The following TLK2 variants were observed in gnomAD, a reference collection of about 807,000 sequenced individuals.
TLK2 encodes serine/threonine-protein kinase tousled-like 2.
In TLK2, 6 loss-of-function variants were observed where a neutral mutation model predicts 117.3. The ratio of observed to expected loss-of-function variants is 0.05; its 90% CI spans 0.03 to 0.10. The LOEUF (loss-of-function observed/expected upper bound fraction) is 0.10. TLK2 is among the 10% of genes least tolerant of loss of function. TLK2 has a pLI of 1.00. For missense variants in TLK2, 299 were observed against 901.2 expected (o/e 0.33, Z 8.56); for synonymous variants, 257 against 316.7 (o/e 0.81, Z 2.00).
At chr17:62,487,178 G>A (rs1299572376) in intron 2 of TLK2, among the ~76,000 whole-genome samples, 1 of 151,994 alleles carries the variant, frequency 6.6e-6, no homozygotes, top group East Asian at 1.9e-4. Flanking sequence ...TGTAATCCCA[G>A]CTACTCAGGA....
At chr17:62,529,324 C>T (rs1442884486) in intron 6 of TLK2, among the ~76,000 whole-genome samples, 1 of 152,162 alleles carries the variant, frequency 6.6e-6, no homozygotes, top group Non-Finnish European at 1.5e-5. Context: ...ACAACCTCCG[C>T]CTCCTGGGTT....
rs778362433 is a variant in TLK2 at position 62,560,027 on chromosome 17, T to G, written c.732T>G (p.Asp244Glu). 6.8e-6 allele frequency: 11 copies of G among 1,607,332 alleles called. No homozygotes were observed. Among genetic ancestry groups the G allele is most frequent in the Non-Finnish European group, 9.3e-6 (11 of 1,176,684 alleles). ...TTTTCTCATTGAAGGCCAACTGTGA[T>G]TTGAGACGGCAGATTGATGAACAGC... ...RIDDLLRANC[D>E]LRRQIDEQQK... Residue 244 changes from aspartate (D) to glutamate (E), a missense_variant, in exon 10 of 22, where the codon GAT becomes GAG. Asp to Glu is a conservative substitution (Grantham distance 45). Transcript: ENST00000346027.
At chr17:62,516,821 T>C in intron 2 of TLK2, 1 of 1,117,400 alleles carries the variant, frequency 8.9e-7, no homozygotes, top group African/African-American at 1.6e-5. Context: ...TTAGTTCTTA[T>C]GTTTAGGTCT....
intron 2 of TLK2, among the ~76,000 whole-genome samples, chr17:62,498,069 C>A (rs889862382): frequency 2.6e-5 from 4 of 152,154 alleles, no homozygotes; most frequent in African/African-American, 9.7e-5. Flanking sequence ...CTTGGACTTA[C>A]TGAAGATATG....
At chr17:62,517,408 A>G (rs1210709561) in intron 2 of TLK2, among the ~76,000 whole-genome samples, 2 of 151,776 alleles carry the variant, frequency 1.3e-5, no homozygotes, top group Non-Finnish European at 2.9e-5. Context: ...TTATTTATTT[A>G]TTTTGAGACG....
intron 10 of TLK2, among the ~76,000 whole-genome samples, chr17:62,564,182 C>G (rs895542868): frequency 6.6e-6 from 1 of 151,986 alleles, no homozygotes; most frequent in African/African-American, 2.4e-5. Context: ...GTGGGCTGAT[C>G]ACTTGAGGCC....
At chr17:62,594,090 C>G (rs141247531) in intron 16 of TLK2, among the ~76,000 whole-genome samples, 2 of 151,190 alleles carry the variant, frequency 1.3e-5, no homozygotes, top group Admixed American at 6.6e-5. Flanking sequence ...ACCGCCCCTG[C>G]TCTCTAAAAT....
At chr17:62,497,301 T>C (rs1338382809) in intron 2 of TLK2, among the ~76,000 whole-genome samples, 2 of 152,118 alleles carry the variant, frequency 1.3e-5, no homozygotes, top group Non-Finnish European at 2.9e-5. Context: ...TCAAAATAGG[T>C]TAAAGAAACC....
chr17:62,494,035 A>G (rs892773299), intron 2 of TLK2, among the ~76,000 whole-genome samples: 1 of 152,066 alleles, frequency 6.6e-6, no homozygotes, highest in African/African-American at 2.4e-5. Context: ...AATATCACAC[A>G]TTTGCTAATT....
At chr17:62,509,078 T>C (rs1372384723) in intron 2 of TLK2, among the ~76,000 whole-genome samples, 2 of 152,192 alleles carry the variant, frequency 1.3e-5, no homozygotes, top group African/African-American at 4.8e-5. Flanking sequence ...CCTAACCTTT[T>C]ATTTTATTTA....
At chr17:62,610,780 C>T (rs2083692378) in intron 21 of TLK2, among the ~76,000 whole-genome samples, 1 of 152,040 alleles carries the variant, frequency 6.6e-6, no homozygotes, top group Admixed American at 6.6e-5. Context: ...AGGTTTTAAT[C>T]AGGGCAACTA....
At chr17:62,490,697 G>A (rs1045531062) in intron 2 of TLK2, among the ~76,000 whole-genome samples, 4 of 151,970 alleles carry the variant, frequency 2.6e-5, no homozygotes, top group Non-Finnish European at 4.4e-5. Flanking sequence ...ACGCGCCACC[G>A]CACGCAGCTA....
At chr17:62,511,312 C>G (rs191921364) in intron 2 of TLK2, among the ~76,000 whole-genome samples, 8 of 152,342 alleles carry the variant, frequency 5.3e-5, no homozygotes, top group Admixed American at 4.6e-4. Flanking sequence ...AACTACAGAT[C>G]TATTTTCCTC....
rs143136111 is a variant in TLK2, at chr17:62,592,160, C to T, written c.1461-4425C>T. On this transcript the variant is annotated intron_variant, in intron 16 of 21. Transcript: ENST00000346027. ...TTTTAGTAGAGACAGGGTTTCTCCA[C>T]GTTGGTCAGGCTGGTCTTGAACTCC... is the stretch of plus-strand genomic sequence containing the variant. Among the ~76,000 whole-genome samples the T allele has an allele frequency of 3.4e-3, 524 of 151,910 alleles. 4 individuals are homozygous for T. The highest frequency in any genetic ancestry group is 0.012 in the African/African-American group (490 of 41,458).
At chr17:62,551,847 G>A (rs2078488628) in intron 7 of TLK2, 1 of 175,928 alleles carries the variant, frequency 5.7e-6, no homozygotes, top group Non-Finnish European at 1.2e-5. Context: ...AAATCAACCT[G>A]GATTTTAGAC....
At chr17:62,592,198 A>G (rs1239364682) in intron 16 of TLK2, among the ~76,000 whole-genome samples, 1 of 151,958 alleles carries the variant, frequency 6.6e-6, no homozygotes, top group Non-Finnish European at 1.5e-5. Context: ...ACCTCAGGTG[A>G]TCTGCCCACC....
intron 4 of TLK2, among the ~76,000 whole-genome samples, chr17:62,522,535 A>G (rs2076114407): frequency 6.6e-6 from 1 of 152,236 alleles, no homozygotes; most frequent in Middle Eastern, 3.4e-3. Context: ...CTTTACACCA[A>G]ATATATATTG....
chr17:62,594,059 C>T (rs1025410394), intron 16 of TLK2, among the ~76,000 whole-genome samples: 23 of 151,296 alleles, frequency 1.5e-4, no homozygotes, highest in Admixed American at 1.5e-3. Context: ...TCCCAAAGTG[C>T]TGGGATTACA....
At chr17:62,499,156 C>A (rs1598223309) in intron 2 of TLK2, among the ~76,000 whole-genome samples, 1 of 151,828 alleles carries the variant, frequency 6.6e-6, no homozygotes, top group African/African-American at 2.4e-5. Flanking sequence ...GCCTGGCGAC[C>A]ACGGCAAAAC....
Sources: gnomAD v4.1 joint callset for allele counts (sites outside exome capture counted in the v4.1 genomes callset) on GRCh38, gnomAD v4.1.1 for gene constraint, MANE v1.5 for transcripts, NCBI Gene and HGNC (gene_info 2026-07-23, HGNC 2026-07-21) for gene names.